ABTB3: variants seen among roughly 807,000 people sequenced by gnomAD.
ABTB3 encodes ankyrin repeat- and BTB/POZ domain-containing protein 3.
chr12:107,466,112 G>C, the ABTB3 span, among the ~76,000 whole-genome samples: 3 of 152,088 alleles, frequency 2.0e-5, no homozygotes, highest in Non-Finnish European at 4.4e-5. Flanking sequence ...GGGTGGATGC[G>C]CTTGCTTTGG....
At chr12:107,363,333 C>T in the ABTB3 span, among the ~76,000 whole-genome samples, 7 of 152,244 alleles carry the variant, frequency 4.6e-5, no homozygotes, top group Non-Finnish European at 1.0e-4. Flanking sequence ...GAGAGACACA[C>T]TTGAGTTCAC....
the ABTB3 span, among the ~76,000 whole-genome samples, chr12:107,491,770 C>T: frequency 3.4e-4 from 48 of 143,268 alleles, no homozygotes; most frequent in Middle Eastern, 3.7e-3. Flanking sequence ...TTGCAGTGAG[C>T]GGAGATCACG....
At chr12:107,406,233 A>G in the ABTB3 span, among the ~76,000 whole-genome samples, 1 of 152,228 alleles carries the variant, frequency 6.6e-6, no homozygotes, top group African/African-American at 2.4e-5. Flanking sequence ...GAAGCACCCC[A>G]TAAATGGAGC....
At chr12:107,572,448 A>G in the ABTB3 span, among the ~76,000 whole-genome samples, 6 of 152,248 alleles carry the variant, frequency 3.9e-5, no homozygotes, top group South Asian at 1.0e-3. Context: ...GGAAACTAAC[A>G]CACCAAGCAA....
chr12:107,512,025 T>C, the ABTB3 span, among the ~76,000 whole-genome samples: 1 of 152,144 alleles, frequency 6.6e-6, no homozygotes, highest in African/African-American at 2.4e-5. Flanking sequence ...GTAAGTACCC[T>C]GGGTCAAGCC....
At chr12:107,401,036 C>T in the ABTB3 span, among the ~76,000 whole-genome samples, 1 of 152,216 alleles carries the variant, frequency 6.6e-6, no homozygotes, top group African/African-American at 2.4e-5. Flanking sequence ...CATTCACATG[C>T]AGGACCACGT....
the ABTB3 span, among the ~76,000 whole-genome samples, chr12:107,634,450 A>G: frequency 2.0e-5 from 3 of 152,226 alleles, no homozygotes; most frequent in African/African-American, 7.2e-5. Flanking sequence ...AAGACATGGT[A>G]CAAACTGTGT....
chr12:107,360,042 T>TA, the ABTB3 span, among the ~76,000 whole-genome samples: 1,031 of 152,300 alleles, frequency 6.8e-3, 4 homozygotes, highest in Non-Finnish European at 9.8e-3. Context: ...GTGCCCAACT[T>TA]ATGCTGAGTT....
the ABTB3 span, among the ~76,000 whole-genome samples, chr12:107,564,865 A>G: frequency 6.6e-6 from 1 of 152,202 alleles, no homozygotes; most frequent in African/African-American, 2.4e-5. Flanking sequence ...TGTTTAGCCC[A>G]TTGCACAGGC....
the ABTB3 span, among the ~76,000 whole-genome samples, chr12:107,638,179 C>CT: frequency 5.9e-5 from 9 of 151,996 alleles, no homozygotes; most frequent in Admixed American, 2.0e-4. Context: ...AAGTAAGAGC[C>CT]TTTTTTTAAA....
chr12:107,508,442 T>TTTTTTTGTTTTG, the ABTB3 span, among the ~76,000 whole-genome samples: 1 of 72,836 alleles, frequency 1.4e-5, no homozygotes, highest in African/African-American at 6.1e-5. Flanking sequence ...TCATTTCTTT[T>TTTTTTTGTTTTG]TTTTTTTTTT....
chr12:107,427,506 A>G, the ABTB3 span, among the ~76,000 whole-genome samples: 1 of 151,982 alleles, frequency 6.6e-6, no homozygotes, highest in Admixed American at 6.6e-5. Context: ...ACCACCTCCC[A>G]AAGTACTGAG....
the ABTB3 span, among the ~76,000 whole-genome samples, chr12:107,502,314 C>T: frequency 2.0e-5 from 3 of 151,968 alleles, no homozygotes; most frequent in African/African-American, 4.8e-5. Flanking sequence ...AAGTGATCTG[C>T]CTACCTCAGC....
the ABTB3 span, among the ~76,000 whole-genome samples, chr12:107,481,486 C>T: frequency 2.6e-5 from 4 of 152,170 alleles, no homozygotes; most frequent in Non-Finnish European, 5.9e-5. Context: ...TCTGTGCAAA[C>T]CAACGGCACA....
the ABTB3 span, among the ~76,000 whole-genome samples, chr12:107,517,672 CTGTTATTGG>C: frequency 3.3e-5 from 5 of 152,134 alleles, no homozygotes; most frequent in African/African-American, 1.2e-4. Flanking sequence ...CTCTGTTTGT[CTGTTATTGG>C]TGTTATTGGT....
chr12:107,449,506 A>G, the ABTB3 span, among the ~76,000 whole-genome samples: 3 of 152,158 alleles, frequency 2.0e-5, no homozygotes, highest in Non-Finnish European at 4.4e-5. Context: ...CCCCATCTTC[A>G]GCTGTTTTGG....
At chr12:107,475,696 CA>C in the ABTB3 span, among the ~76,000 whole-genome samples, 2 of 152,118 alleles carry the variant, frequency 1.3e-5, no homozygotes, top group African/African-American at 4.8e-5. Flanking sequence ...CAAACCTATG[CA>C]GATGGTATTG....
chr12:107,354,577 C>A, the ABTB3 span, among the ~76,000 whole-genome samples: 1 of 152,120 alleles, frequency 6.6e-6, no homozygotes, highest in Non-Finnish European at 1.5e-5. Flanking sequence ...GATATCGGTA[C>A]CTTATTCCTT....
At chr12:107,373,168 A>G in the ABTB3 span, among the ~76,000 whole-genome samples, 1 of 152,178 alleles carries the variant, frequency 6.6e-6, no homozygotes, top group Non-Finnish European at 1.5e-5. Flanking sequence ...AAACACAAAT[A>G]TGTGTTGGAA....
Sources: gnomAD v4.1 joint callset for allele counts (sites outside exome capture counted in the v4.1 genomes callset) on GRCh38, gnomAD v4.1.1 for gene constraint, MANE v1.5 for transcripts, NCBI Gene and HGNC (gene_info 2026-07-23, HGNC 2026-07-21) for gene names.